The following RCAN2 variants were observed in gnomAD, a reference collection of about 807,000 sequenced individuals.
RCAN2 encodes the protein regulator of calcineurin 2.
RCAN2 carries 9 observed loss-of-function variants against 23.6 expected under a neutral mutation model. That is an observed-to-expected ratio of 0.38 (90% CI 0.23 to 0.67). The LOEUF (loss-of-function observed/expected upper bound fraction) is 0.67. Among genes scored for constraint, RCAN2 ranks in the 30% least tolerant of loss-of-function variants. The pLI is 0.51. For missense variants in RCAN2, 273 were observed against 302.3 expected (o/e 0.90, Z 0.72); for synonymous variants, 109 against 115.7 (o/e 0.94, Z 0.37).
intron 2 of RCAN2, among the ~76,000 whole-genome samples, chr6:46,429,411 C>T (rs1403122233): frequency 1.3e-5 from 2 of 152,160 alleles, no homozygotes; most frequent in Non-Finnish European, 2.9e-5. Context: ...GCATCTTTTA[C>T]CTTGCACATT....
chr6:46,453,531 G>A (rs1219054425), intron 2 of RCAN2, among the ~76,000 whole-genome samples: 1 of 152,188 alleles, frequency 6.6e-6, no homozygotes, highest in Non-Finnish European at 1.5e-5. Context: ...TCAGAACTTA[G>A]AATGTAAATA....
intron 4 of RCAN2, among the ~76,000 whole-genome samples, chr6:46,232,795 A>AC (rs1335958543): frequency 2.6e-5 from 4 of 150,944 alleles, no homozygotes; most frequent in Non-Finnish European, 5.9e-5. Flanking sequence ...TGTCTCAAAA[A>AC]AAAAAAAAAA....
At chr6:46,364,962 A>T (rs1167301371) in intron 2 of RCAN2, among the ~76,000 whole-genome samples, 1 of 152,154 alleles carries the variant, frequency 6.6e-6, no homozygotes, top group Non-Finnish European at 1.5e-5. Context: ...CCAAGTACCA[A>T]CATAAATGGC....
chr6:46,349,642 A>T (rs1160252123), intron 2 of RCAN2, among the ~76,000 whole-genome samples: 4 of 152,064 alleles, frequency 2.6e-5, no homozygotes, highest in Non-Finnish European at 5.9e-5. Context: ...GTCTTCCTTT[A>T]ATCTTCTCTT....
intron 2 of RCAN2, among the ~76,000 whole-genome samples, chr6:46,430,100 C>T (rs1401273897): frequency 2.0e-5 from 3 of 152,056 alleles, no homozygotes; most frequent in Non-Finnish European, 4.4e-5. Flanking sequence ...AGCTTTGAAA[C>T]CAAAAAACTA....
At chr6:46,410,858 A>G (rs949613352) in intron 2 of RCAN2, among the ~76,000 whole-genome samples, 39 of 152,348 alleles carry the variant, frequency 2.6e-4, no homozygotes, top group Non-Finnish European at 3.7e-4. Context: ...AAGCCCTTTT[A>G]TATCCATGAT....
chr6:46,358,910 G>C (rs1192477465), intron 2 of RCAN2, among the ~76,000 whole-genome samples: 1 of 152,192 alleles, frequency 6.6e-6, no homozygotes, highest in Non-Finnish European at 1.5e-5. Flanking sequence ...TATGCAGCCA[G>C]GGTGGAGAAC....
At chr6:46,388,972 T>A (rs1554138101) in intron 2 of RCAN2, among the ~76,000 whole-genome samples, 6 of 151,922 alleles carry the variant, frequency 3.9e-5, no homozygotes, top group Admixed American at 3.3e-4. Context: ...ATAAAACTTT[T>A]AAAAAAAGAA....
rs145138661 is a variant in RCAN2, at chr6:46,349,298, G to A, written c.226-100402C>T. Among the ~76,000 whole-genome samples the A allele has an allele frequency of 2.0e-3, 304 of 152,208 alleles. 1 individual carries two copies. The highest frequency in any genetic ancestry group is 8.5e-3 in the South Asian group (41 of 4,818). On this transcript the variant is annotated intron_variant, in intron 2 of 4. Transcript: ENST00000371374. ...GACATTCACAGATAACACAAGTAAAGAAACATCTGTCTCAGAAAACCACCG... is the reference window on the plus strand; with the variant it reads ...GACATTCACAGATAACACAAGTAAAAAAACATCTGTCTCAGAAAACCACCG...
At chr6:46,488,994 A>G (rs1255030448) in intron 1 of RCAN2, among the ~76,000 whole-genome samples, 1 of 152,246 alleles carries the variant, frequency 6.6e-6, no homozygotes, top group Non-Finnish European at 1.5e-5. Context: ...AGATGAAATC[A>G]TTCCTACCAT....
intron 2 of RCAN2, among the ~76,000 whole-genome samples, chr6:46,379,858 G>A (rs1765573864): frequency 6.6e-6 from 1 of 152,110 alleles, no homozygotes; most frequent in South Asian, 2.1e-4. Flanking sequence ...TGTGTCGTTG[G>A]GATTTGCCCA....
intron 2 of RCAN2, among the ~76,000 whole-genome samples, chr6:46,439,435 T>G (rs1767464951): frequency 6.6e-6 from 1 of 152,198 alleles, no homozygotes; most frequent in South Asian, 2.1e-4. Context: ...AAATAGAAAT[T>G]ATTTTTACCT....
intron 4 of RCAN2, among the ~76,000 whole-genome samples, chr6:46,227,564 T>C (rs1440408440): frequency 1.4e-5 from 2 of 142,786 alleles, no homozygotes; most frequent in African/African-American, 5.0e-5. Context: ...TTTTCTAGTT[T>C]ATTTGCGTAG....
chr6:46,397,711 T>A (rs1043902883), intron 2 of RCAN2, among the ~76,000 whole-genome samples: 1 of 152,192 alleles, frequency 6.6e-6, no homozygotes, highest in Non-Finnish European at 1.5e-5. Context: ...TTTCATTTTA[T>A]TAGTCAGCTC....
At chr6:46,406,780 G>T (rs1470258809) in intron 2 of RCAN2, among the ~76,000 whole-genome samples, 1 of 152,210 alleles carries the variant, frequency 6.6e-6, no homozygotes, top group African/African-American at 2.4e-5. Flanking sequence ...GGAACTTTCA[G>T]TGTAAACGAC....
intron 2 of RCAN2, among the ~76,000 whole-genome samples, chr6:46,442,425 C>G (rs188223500): frequency 1.3e-5 from 2 of 152,294 alleles, no homozygotes; most frequent in Admixed American, 1.3e-4. Context: ...GGGCTGCACG[C>G]AGCCCATCAG....
At chr6:46,347,072 T>C (rs1291567960) in intron 2 of RCAN2, among the ~76,000 whole-genome samples, 2 of 152,138 alleles carry the variant, frequency 1.3e-5, no homozygotes. Flanking sequence ...AGATAGGGTT[T>C]CACCATGTTA....
chr6:46,297,143 C>T (rs1762749771), intron 2 of RCAN2, among the ~76,000 whole-genome samples: 1 of 152,070 alleles, frequency 6.6e-6, no homozygotes, highest in South Asian at 2.1e-4. Context: ...CCTGAACTTG[C>T]ACAGCTCTGC....
intron 2 of RCAN2, among the ~76,000 whole-genome samples, chr6:46,401,995 G>C (rs542957895): frequency 6.6e-6 from 1 of 152,278 alleles, no homozygotes; most frequent in South Asian, 2.1e-4. Context: ...CAGGTCAGCA[G>C]GAAAAACACC....
Sources: gnomAD v4.1 joint callset for allele counts (sites outside exome capture counted in the v4.1 genomes callset) on GRCh38, gnomAD v4.1.1 for gene constraint, MANE v1.5 for transcripts, NCBI Gene and HGNC (gene_info 2026-07-23, HGNC 2026-07-21) for gene names.